RBFOX1: variants seen among roughly 807,000 people sequenced by gnomAD.
RBFOX1 encodes the protein RNA binding protein fox-1 homolog 1.
Under a neutral mutation model 57.7 loss-of-function variants are expected in RBFOX1, and 8 were observed. The ratio of observed to expected loss-of-function variants is 0.14; its 90% CI spans 0.08 to 0.25. The LOEUF is 0.25. RBFOX1 is among the 10% of genes least tolerant of loss of function. The pLI is 1.00. For missense variants in RBFOX1, 611 were observed against 548.5 expected, an observed-to-expected ratio of 1.11 and a Z score of -1.14; for synonymous variants, 326 against 222.4, an observed-to-expected ratio of 1.47 and a Z score of -4.15.
chr16:6,433,588 T>A (rs78029515), intron 2 of RBFOX1, among the ~76,000 whole-genome samples: 15 of 152,160 alleles, frequency 9.9e-5, no homozygotes, highest in Non-Finnish European at 2.1e-4. Flanking sequence ...GCAAGAACCT[T>A]ATGAACGTAT....
chr16:6,171,008 G>A (rs936374044), intron 1 of RBFOX1, among the ~76,000 whole-genome samples: 1 of 152,188 alleles, frequency 6.6e-6, no homozygotes, highest in Admixed American at 6.5e-5. Context: ...CATTTAGGTT[G>A]ATGCCATGTC....
chr16:7,635,918 C>T (rs1052824560), intron 11 of RBFOX1, among the ~76,000 whole-genome samples: 1 of 152,202 alleles, frequency 6.6e-6, no homozygotes, highest in African/African-American at 2.4e-5. Flanking sequence ...TCACACCATT[C>T]TCCTGTCTCA....
intron 4 of RBFOX1, among the ~76,000 whole-genome samples, chr16:7,068,319 G>T (rs1372521732): frequency 6.6e-6 from 1 of 152,098 alleles, no homozygotes; most frequent in Non-Finnish European, 1.5e-5. Flanking sequence ...TTCAAACACT[G>T]CAGACATTTG....
At chr16:7,324,323 C>T (rs996673815) in intron 4 of RBFOX1, among the ~76,000 whole-genome samples, 5 of 152,198 alleles carry the variant, frequency 3.3e-5, no homozygotes, top group African/African-American at 9.6e-5. Context: ...TTTACCAGTC[C>T]TGGAGACCTG....
intron 4 of RBFOX1, among the ~76,000 whole-genome samples, chr16:5,925,766 T>G (rs972237540): frequency 6.6e-6 from 1 of 152,212 alleles, no homozygotes; most frequent in Non-Finnish European, 1.5e-5. Flanking sequence ...TCTCAGTCTC[T>G]CAGGTCTCTT....
At chr16:6,949,217 T>A (rs571285818) in intron 3 of RBFOX1, among the ~76,000 whole-genome samples, 2 of 151,972 alleles carry the variant, frequency 1.3e-5, no homozygotes, top group African/African-American at 4.8e-5. Context: ...TTCCAGGATA[T>A]AGAAACAAGC....
intron 4 of RBFOX1, among the ~76,000 whole-genome samples, chr16:7,380,168 T>C (rs1568516417): frequency 6.6e-6 from 1 of 152,222 alleles, no homozygotes; most frequent in Non-Finnish European, 1.5e-5. Context: ...ATTTATGTTT[T>C]GCTGTATACC....
chr16:5,934,003 G>C (rs141343239), intron 4 of RBFOX1, among the ~76,000 whole-genome samples: 28 of 152,142 alleles, frequency 1.8e-4, no homozygotes, highest in African/African-American at 6.5e-4. Context: ...GTGTTCATGA[G>C]TTCTCATCAT....
intron 2 of RBFOX1, among the ~76,000 whole-genome samples, chr16:5,468,906 C>A (rs950934476): frequency 2.0e-5 from 3 of 152,234 alleles, no homozygotes; most frequent in African/African-American, 7.2e-5. Flanking sequence ...TGGCTTCCCG[C>A]CCCGTCCCTT....
chr16:6,184,529 A>G (rs1314825068), intron 1 of RBFOX1, among the ~76,000 whole-genome samples: 2 of 152,054 alleles, frequency 1.3e-5, no homozygotes, highest in Non-Finnish European at 2.9e-5. Context: ...TGTGAAAGAG[A>G]GAGAGGGGTC....
rs553030354 is a variant in RBFOX1 at position 6,685,176 on chromosome 16, G to T, written c.-16+30526G>T. 1.7e-4 allele frequency among the ~76,000 whole-genome samples: 25 copies of T among 151,448 alleles called. No individual in the cohort carries two copies. In the East Asian group the frequency reaches 4.5e-3, roughly 27 times the overall value. ...TCCATTCCTTTTCTTTATTCCTGCT[G>T]TACTTACTAACCAAAAATAAAGACA... On this transcript the variant is annotated intron_variant, in intron 3 of 15. Transcript: ENST00000550418.
chr16:6,276,549 G>A (rs973195279), intron 1 of RBFOX1, among the ~76,000 whole-genome samples: 66 of 152,170 alleles, frequency 4.3e-4, no homozygotes, highest in African/African-American at 1.5e-3. Context: ...TACCGTGTTG[G>A]CCAGGTTGGT....
chr16:5,605,734 T>C (rs2047551466), intron 3 of RBFOX1, among the ~76,000 whole-genome samples: 2 of 151,904 alleles, frequency 1.3e-5, no homozygotes, highest in South Asian at 4.2e-4. Context: ...GTAGGGCCAT[T>C]AATTTAATAA....
rs566644167 is a variant in RBFOX1 at position 7,119,805 on chromosome 16, A to C, written c.27+67707A>C. ...TATTTGATAAAATTAATATTGAGAA[A>C]ATTAACGAGGCTGTAGAAGTACTGA... is the stretch of plus-strand genomic sequence containing the variant. On this transcript the variant is annotated intron_variant, in intron 4 of 15. Transcript: ENST00000550418. Among the ~76,000 whole-genome samples the C allele has an allele frequency of 2.9e-4, 44 of 152,268 alleles. 1 individual carries two copies. The South Asian group carries it at 8.3e-3, about 29-fold the overall frequency.
intron 4 of RBFOX1, among the ~76,000 whole-genome samples, chr16:5,958,208 A>C (rs1042084690): frequency 6.6e-6 from 1 of 152,184 alleles, no homozygotes; most frequent in African/African-American, 2.4e-5. Flanking sequence ...GGGTGCTATA[A>C]ATGTTTTACT....
chr16:5,923,756 G>C (rs2058883919), intron 4 of RBFOX1, among the ~76,000 whole-genome samples: 1 of 152,016 alleles, frequency 6.6e-6, no homozygotes, highest in African/African-American at 2.4e-5. Flanking sequence ...GGCCAGACTG[G>C]TCTCAAACTC....
At chr16:6,611,602 C>T (rs529944759) in intron 2 of RBFOX1, among the ~76,000 whole-genome samples, 26 of 152,168 alleles carry the variant, frequency 1.7e-4, no homozygotes, top group Non-Finnish European at 2.4e-4. Context: ...ATCCGTGTTC[C>T]GCTGTTCAAG....
intron 4 of RBFOX1, among the ~76,000 whole-genome samples, chr16:5,959,639 A>G (rs904446771): frequency 6.6e-6 from 1 of 152,206 alleles, no homozygotes; most frequent in African/African-American, 2.4e-5. Context: ...ATTGAATTTT[A>G]AGGATGTGTA....
chr16:5,943,399 C>T (rs113766819), intron 4 of RBFOX1, among the ~76,000 whole-genome samples: 6 of 152,266 alleles, frequency 3.9e-5, no homozygotes, highest in African/African-American at 7.2e-5. Context: ...GGTCCACATA[C>T]CCAGGTGCTC....
Sources: gnomAD v4.1 joint callset for allele counts (sites outside exome capture counted in the v4.1 genomes callset) on GRCh38, gnomAD v4.1.1 for gene constraint, MANE v1.5 for transcripts, NCBI Gene and HGNC (gene_info 2026-07-23, HGNC 2026-07-21) for gene names.